Variants in PRIM2 observed in about 807,000 individuals in gnomAD.
PRIM2 encodes the protein DNA primase large subunit.
Under a neutral mutation model 67.3 loss-of-function variants are expected in PRIM2, and 39 were observed. The ratio of observed to expected loss-of-function variants is 0.58; its 90% CI spans 0.45 to 0.76. The LOEUF (loss-of-function observed/expected upper bound fraction) is 0.76. Among genes scored for constraint, PRIM2 ranks in the 30% least tolerant of loss-of-function variants. The pLI, the probability that PRIM2 is intolerant of heterozygous loss-of-function variation, is 0.00. For missense variants in PRIM2, 398 were observed against 598.7 expected (o/e 0.66, Z 3.50); for synonymous variants, 143 against 198.7 (o/e 0.72, Z 2.36).
At chr6:57,292,739 A>G in the PRIM2 span, among the ~76,000 whole-genome samples, 1 of 152,222 alleles carries the variant, frequency 6.6e-6, no homozygotes, top group Non-Finnish European at 1.5e-5. Context: ...GCAATGGGGA[A>G]AGGGTTCCCT....
intron 7 of PRIM2, among the ~76,000 whole-genome samples, chr6:57,384,864 T>C (rs546209067): frequency 1.3e-5 from 2 of 152,302 alleles, no homozygotes; most frequent in South Asian, 2.1e-4. Context: ...ACTATGAAAA[T>C]GCATCTGAAA....
intron 7 of PRIM2, among the ~76,000 whole-genome samples, chr6:57,399,007 T>A (rs1168864808): frequency 6.6e-6 from 1 of 152,050 alleles, no homozygotes; most frequent in Non-Finnish European, 1.5e-5. Flanking sequence ...TTGGTAGATA[T>A]TCCTGTATCC....
chr6:57,629,460 A>G (rs1414844808), intron 12 of PRIM2, among the ~76,000 whole-genome samples: 12 of 152,128 alleles, frequency 7.9e-5, no homozygotes, highest in Admixed American at 6.5e-4. Flanking sequence ...TTGGCAGGGG[A>G]AGGGGTTGAG....
chr6:57,498,764 A>G (rs1774064605), intron 7 of PRIM2, among the ~76,000 whole-genome samples: 1 of 152,166 alleles, frequency 6.6e-6, no homozygotes, highest in Admixed American at 6.5e-5. Context: ...GAAGGGATTC[A>G]TTATTTTAAA....
At chr6:57,554,029 G>T (rs1227637945) in intron 10 of PRIM2, among the ~76,000 whole-genome samples, 1 of 152,156 alleles carries the variant, frequency 6.6e-6, no homozygotes, top group African/African-American at 2.4e-5. Context: ...ACAATTTTAT[G>T]ATGATGATTA....
chr6:57,395,170 G>A (rs1316944782), intron 7 of PRIM2, among the ~76,000 whole-genome samples: 1 of 152,264 alleles, frequency 6.6e-6, no homozygotes, highest in East Asian at 1.9e-4. Flanking sequence ...GGCGATGCTG[G>A]TTTCATATAA....
At chr6:57,259,241 C>G in the PRIM2 span, among the ~76,000 whole-genome samples, 1 of 152,150 alleles carries the variant, frequency 6.6e-6, no homozygotes, top group Non-Finnish European at 1.5e-5. Flanking sequence ...CCGCATCACA[C>G]AAAACCAGTA....
At chr6:57,305,953 T>G in the PRIM2 span, among the ~76,000 whole-genome samples, 2 of 152,222 alleles carry the variant, frequency 1.3e-5, no homozygotes, top group African/African-American at 2.4e-5. Flanking sequence ...CCTAAAGCTG[T>G]GTGTCATAGA....
intron 7 of PRIM2, among the ~76,000 whole-genome samples, chr6:57,402,849 G>T (rs1770758424): frequency 6.6e-6 from 1 of 152,142 alleles, no homozygotes; most frequent in African/African-American, 2.4e-5. Flanking sequence ...GAGAAAAATA[G>T]AAATACATAT....
the PRIM2 span, among the ~76,000 whole-genome samples, chr6:57,277,554 C>T: frequency 2.0e-4 from 31 of 152,192 alleles, no homozygotes; most frequent in East Asian, 3.9e-4. Flanking sequence ...TGGAGGCAAG[C>T]AGAGTACCTT....
At chr6:57,454,241 A>T (rs1191093110) in intron 7 of PRIM2, among the ~76,000 whole-genome samples, 3 of 152,062 alleles carry the variant, frequency 2.0e-5, no homozygotes, top group African/African-American at 7.2e-5. Context: ...TATCGGTCTA[A>T]AATTCTCTTT....
At chr6:57,265,052 A>C in the PRIM2 span, among the ~76,000 whole-genome samples, 1 of 152,188 alleles carries the variant, frequency 6.6e-6, no homozygotes, top group Non-Finnish European at 1.5e-5. Flanking sequence ...GGGTCATGTG[A>C]TTAATGTATG....
chr6:57,383,009 C>T (rs961090162), intron 7 of PRIM2: 1 of 152,008 alleles, frequency 6.6e-6, no homozygotes, highest in Admixed American at 6.6e-5. Context: ...AAAATACTAA[C>T]TCTGTGTTTA....
intron 7 of PRIM2, among the ~76,000 whole-genome samples, chr6:57,474,173 CTTTTTTTTTTTTT>C (rs1158188964): frequency 2.7e-4 from 17 of 63,970 alleles, no homozygotes; most frequent in Middle Eastern, 0.019. Flanking sequence ...ATTCTGCTAT[CTTTTTTTTTTTTT>C]TTTTTTTTTT....
chr6:57,376,158 A>T (rs1769757028), intron 5 of PRIM2, among the ~76,000 whole-genome samples: 1 of 152,156 alleles, frequency 6.6e-6, no homozygotes, highest in Non-Finnish European at 1.5e-5. Context: ...TGATCATACC[A>T]TTGCATTCCA....
chr6:57,229,550 C>A, the PRIM2 span, among the ~76,000 whole-genome samples: 1 of 151,448 alleles, frequency 6.6e-6, no homozygotes, highest in Admixed American at 6.6e-5. Flanking sequence ...TGCAGTGGTG[C>A]GATCTTGGCT....
At chr6:57,616,727 T>C (rs1776763925) in intron 12 of PRIM2, among the ~76,000 whole-genome samples, 1 of 152,074 alleles carries the variant, frequency 6.6e-6, no homozygotes, top group African/African-American at 2.4e-5. Context: ...ATTCACAATA[T>C]TTTACAACTA....
intron 5 of PRIM2, among the ~76,000 whole-genome samples, chr6:57,355,166 T>C (rs1243083802): frequency 6.6e-6 from 1 of 152,344 alleles, no homozygotes; most frequent in African/African-American, 2.4e-5. Context: ...TAGCTAGATG[T>C]GGTGGCGGGC....
chr6:57,497,839 T>C (rs1774038999), intron 7 of PRIM2: 1 of 152,154 alleles, frequency 6.6e-6, no homozygotes, highest in South Asian at 2.1e-4. Flanking sequence ...TAGACTGTTA[T>C]GATTAGTGAT....
Sources: allele counts gnomAD v4.1 joint callset (sites outside exome capture counted in the v4.1 genomes callset), GRCh38; gene constraint gnomAD v4.1.1; transcripts MANE v1.5; gene names NCBI Gene and HGNC (gene_info 2026-07-23, HGNC 2026-07-21).